The following PAX6 variants were observed in gnomAD, a reference collection of about 807,000 sequenced individuals.
The protein encoded by PAX6 is paired box protein Pax-6.
A neutral mutation model predicts 60.7 loss-of-function variants in PAX6; 7 were observed. The ratio of observed to expected loss-of-function variants is 0.12; its 90% CI spans 0.07 to 0.22. The LOEUF (loss-of-function observed/expected upper bound fraction) is 0.22. PAX6 is among the 10% of genes least tolerant of loss of function. The pLI is 1.00. For synonymous variants in PAX6, 208 were observed against 201.2 expected (o/e 1.03, Z -0.29); for missense variants, 355 against 555.2 (o/e 0.64, Z 3.62).
chr11:31,799,344 C>CCGAA (rs1007179023), intron 8 of PAX6, among the ~76,000 whole-genome samples: 11 of 152,062 alleles, frequency 7.2e-5, no homozygotes, highest in Admixed American at 7.2e-4. Flanking sequence ...CCTCCGCCGG[C>CCGAA]CGAGCGGCCG....
intron 5 of PAX6, 21 bp downstream of exon 5, chr11:31,802,683 G>T (rs752127018): frequency 3.1e-6 from 5 of 1,605,380 alleles, no homozygotes; most frequent in Admixed American, 1.7e-5. Flanking sequence ...GCGGCGAGTG[G>T]GGCGGCGCCG....
At chr11:31,795,476 T>A (rs1404527577) in intron 8 of PAX6, among the ~76,000 whole-genome samples, 1 of 152,212 alleles carries the variant, frequency 6.6e-6, no homozygotes, top group Non-Finnish European at 1.5e-5. Context: ...AATTTTATAT[T>A]TAGATAAAAG....
upstream of PAX6, chr11:31,814,104 C>A (rs1316079471): frequency 6.6e-6 from 1 of 152,118 alleles, no homozygotes; most frequent in Admixed American, 6.5e-5. Flanking sequence ...GTCTCCTTTC[C>A]CCGCCTCCCC....
At chr11:31,800,626 A>T (rs1953406474) in intron 8 of PAX6, 65 bp downstream of exon 8, 1 of 1,573,868 alleles carries the variant, frequency 6.4e-7, no homozygotes, top group South Asian at 1.1e-5. Flanking sequence ...AATGGTTGGG[A>T]GAGTAGGGGA....
chr11:31,809,607 AT>A (rs1350980789), intron 2 of PAX6: 1 of 152,184 alleles, frequency 6.6e-6, no homozygotes, highest in African/African-American at 2.4e-5. Flanking sequence ...GACTGAGAAA[AT>A]CTGCACAAGG....
chr11:31,801,943 T>G, intron 5 of PAX6, 31 bp from the exon 6 acceptor site: 1 of 1,586,460 alleles, frequency 6.3e-7, no homozygotes, highest in Non-Finnish European at 8.7e-7. Flanking sequence ...TTCAATGGTA[T>G]GAGAACTTAC....
upstream of PAX6, among the ~76,000 whole-genome samples, chr11:31,813,535 A>G (rs1957232797): frequency 6.6e-6 from 1 of 152,060 alleles, no homozygotes; most frequent in South Asian, 2.1e-4. Context: ...CCCCCAGGGC[A>G]CTGGCTCTTT....
At chr11:31,796,475 A>T (rs1951559300) in intron 8 of PAX6, among the ~76,000 whole-genome samples, 1 of 65,850 alleles carries the variant, frequency 1.5e-5, no homozygotes, top group African/African-American at 5.9e-5. Context: ...GGCTGGGGGG[A>T]TGGAGGGTGG....
Position 31,794,753 on chromosome 11 carries a change from T to A in PAX6, c.601A>T (p.Thr201Ser), listed in dbSNP as rs1212839277. ...CQQQEGGGEN[T>S]NSISSNGEDS... ...TCTCCGTTGGAACTGATGGAGTTGG[T>A]ATTCTCTCCCCCTCCTTCCTGTTGC... The change falls in exon 9 of 14, where the codon ACC becomes TCC. Residue 201 changes from threonine (T) to serine (S), a missense_variant. Thr to Ser is a moderately conservative substitution (Grantham distance 58). This residue lies in a region of PAX6 where 143 missense variants were observed against 183.6 expected (regional missense o/e 0.78). Transcript: ENST00000640368. The A allele has an allele frequency of 1.3e-5, 21 of 1,614,024 alleles. No homozygotes were observed. The highest frequency in any genetic ancestry group is 1.6e-5 in the Non-Finnish European group (19 of 1,179,998).
intron 5 of PAX6, 163 bp from the exon 6 acceptor site, chr11:31,802,075 T>C (rs1954118838): frequency 4.6e-6 from 3 of 659,060 alleles, no homozygotes; most frequent in Non-Finnish European, 8.0e-6. Context: ...AAAAAACTTT[T>C]CTTAAACACT....
At chr11:31,813,938 G>A (rs1486246715), upstream of PAX6, among the ~76,000 whole-genome samples, 1 of 152,142 alleles carries the variant, frequency 6.6e-6, no homozygotes, top group East Asian at 1.9e-4. Flanking sequence ...AGGGGTGTGG[G>A]GGCCGAGACT....
At position 31,810,939 on chromosome 11, in the gene PAX6, TG is replaced by T. The variant is rs1592655057; in HGVS notation, c.-241del. The T allele has an allele frequency of 1.5e-5, 6 of 399,214 alleles. No homozygotes were observed. The highest frequency in any genetic ancestry group is 2.7e-5 in the Non-Finnish European group (6 of 226,104). 24.7% of individuals were successfully genotyped at this position (399,214 alleles called of 1,614,324 possible). ...AGACCACAATGGTTTGAAATGACGG[TG>T]TTTTAAAGGAGTTGCTGGTGAGAGT... is the stretch of plus-strand genomic sequence containing the variant. On this transcript the variant is annotated 5_prime_UTR_variant, in exon 2 of 14. Coordinates refer to ENST00000640368, the MANE Select transcript of PAX6 (RefSeq NM_001368894.2).
intron 12 of PAX6, chr11:31,792,025 G>A (rs1950119523): frequency 6.6e-6 from 1 of 152,186 alleles, no homozygotes; most frequent in South Asian, 2.1e-4. Context: ...GCATCTACTT[G>A]TTCGTCTTAT....
At chr11:31,808,355 G>A (rs943373806) in intron 2 of PAX6, 8 of 152,166 alleles carry the variant, frequency 5.3e-5, no homozygotes, top group Non-Finnish European at 1.0e-4. Flanking sequence ...CACAGCAGAG[G>A]GTTACTAGTT....
At chr11:31,815,529 G>A (rs566536988), upstream of PAX6, among the ~76,000 whole-genome samples, 28 of 152,228 alleles carry the variant, frequency 1.8e-4, no homozygotes, top group Middle Eastern at 3.4e-3. Context: ...GCTGGGGAGG[G>A]GGAGGGAGCA....
upstream of PAX6, chr11:31,812,701 A>AG (rs1377711941): frequency 6.6e-6 from 1 of 152,408 alleles, no homozygotes; most frequent in African/African-American, 2.4e-5. Flanking sequence ...AGGAGAAGGA[A>AG]GGCCTGGGCT....
At chr11:31,810,623 G>C (rs1185653841) in intron 2 of PAX6, 1 of 362,330 alleles carries the variant, frequency 2.8e-6, no homozygotes. Flanking sequence ...CGCCGCTCCC[G>C]CTCGCCGGCA....
At chr11:31,797,623 T>A (rs1952022223) in intron 8 of PAX6, among the ~76,000 whole-genome samples, 1 of 151,646 alleles carries the variant, frequency 6.6e-6, no homozygotes. Flanking sequence ...ACGGAGACAG[T>A]TCATTACTTT....
intron 8 of PAX6, 110 bp downstream of exon 8, chr11:31,800,581 C>T (rs2066418663): frequency 7.6e-7 from 1 of 1,309,724 alleles, no homozygotes; most frequent in South Asian, 1.2e-5. Context: ...CAGTCTCACC[C>T]ATGACATTCC....
Sources: gnomAD v4.1 joint callset for allele counts (sites outside exome capture counted in the v4.1 genomes callset) on GRCh38, gnomAD v4.1.1 for gene constraint, gnomAD v4.1.1 regional missense constraint, MANE v1.5 for transcripts, NCBI Gene and HGNC (gene_info 2026-07-23, HGNC 2026-07-21) for gene names.